The following PLAC1 variants were observed in gnomAD, a reference collection of about 807,000 sequenced individuals.
PLAC1 encodes placenta-specific protein 1.
For synonymous variants in PLAC1, 68 were observed against 62.1 expected (o/e 1.09, Z -0.44); for missense variants, 136 against 163.2 (o/e 0.83, Z 0.91).
At chrX:134,667,692 A>G (rs1482515957) in intron 2 of PLAC1, among the ~76,000 whole-genome samples, 1 of 111,402 alleles carries the variant, frequency 9.0e-6, no homozygotes, top group Non-Finnish European at 1.9e-5. Context: ...AGGTCAAGGC[A>G]GTAAGATTAC....
At chrX:134,603,876 T>G (rs1046335510) in intron 1 of PLAC1, among the ~76,000 whole-genome samples, 5 of 112,184 alleles carry the variant, frequency 4.5e-5, no homozygotes, top group Non-Finnish European at 9.4e-5. Context: ...ATTACTTACA[T>G]ATCCACAATT....
intron 2 of PLAC1, among the ~76,000 whole-genome samples, chrX:134,679,884 G>A (rs750765251): frequency 5.0e-4 from 56 of 111,778 alleles, no homozygotes; most frequent in Non-Finnish European, 9.0e-4. Flanking sequence ...TGGTGTTGGC[G>A]GGTGAAGGTG....
chrX:134,566,685 C>A lies in PLAC1; in HGVS notation c.-3G>T. On this transcript the variant is annotated 5_prime_UTR_variant, in exon 3 of 3. It adds an upstream start codon to the 5' untranslated region. Coordinates refer to ENST00000359237, the MANE Select transcript of PLAC1 (RefSeq NM_021796.4). ...CCTATGAACTTAAAAACTTTCATCC[C>A]TGCAGCCAATCAGATAATGAACCAC... The A allele has an allele frequency of 8.5e-7, 1 of 1,178,448 alleles. No individual in the cohort carries two copies. The highest frequency in any genetic ancestry group is 1.1e-6 in the Non-Finnish European group (1 of 874,589).
intron 1 of PLAC1, chrX:134,607,556 G>T: frequency 5.7e-6 from 1 of 176,530 alleles, no homozygotes; most frequent in African/African-American, 3.1e-5. Flanking sequence ...GCTCCACCCA[G>T]AGAAGCACAC....
At chrX:134,579,167 A>AT (rs1295819581) in intron 2 of PLAC1, among the ~76,000 whole-genome samples, 3 of 109,996 alleles carry the variant, frequency 2.7e-5, no homozygotes, top group Non-Finnish European at 5.7e-5. Flanking sequence ...ACCCCAATAG[A>AT]ATGCACTCCC....
chrX:134,608,295 T>C (rs1182104839), intron 1 of PLAC1, among the ~76,000 whole-genome samples: 1 of 112,145 alleles, frequency 8.9e-6, no homozygotes, highest in Non-Finnish European at 1.9e-5. Context: ...CATCAGCTGA[T>C]GAACGGACAA....
intron 1 of PLAC1, among the ~76,000 whole-genome samples, chrX:134,645,435 CCCAACCTCAGAGGTCATGCT>C (rs2078328256): frequency 8.9e-6 from 1 of 111,986 alleles, no homozygotes; most frequent in Admixed American, 9.5e-5. Flanking sequence ...ATGTTTACTG[CCCAACCTCAGAGGTCATGCT>C]CCTAACCACC....
At chrX:134,625,039 G>C (rs1172936768) in intron 1 of PLAC1, among the ~76,000 whole-genome samples, 1 of 111,551 alleles carries the variant, frequency 9.0e-6, no homozygotes, top group Non-Finnish European at 1.9e-5. Flanking sequence ...TCGTATTTTG[G>C]GGCATGATCT....
intron 2 of PLAC1, among the ~76,000 whole-genome samples, chrX:134,728,944 G>A (rs753277110): frequency 2.0e-4 from 22 of 111,150 alleles, no homozygotes; most frequent in African/African-American, 6.9e-4. Flanking sequence ...AGGAGGCAGA[G>A]ATGATATGCC....
At chrX:134,740,323 A>T (rs1259099696) in intron 1 of PLAC1, among the ~76,000 whole-genome samples, 1 of 110,020 alleles carries the variant, frequency 9.1e-6, no homozygotes, top group Non-Finnish European at 1.9e-5. Context: ...GTCTCCAAAA[A>T]AAAAAAAAAA....
chrX:134,580,195 C>T (rs2077967413), intron 2 of PLAC1, among the ~76,000 whole-genome samples: 1 of 112,447 alleles, frequency 8.9e-6, no homozygotes, highest in Non-Finnish European at 1.9e-5. Context: ...AGAACAAAGA[C>T]AGAAACTGGG....
chrX:134,620,623 C>T (rs1447358781), intron 1 of PLAC1, among the ~76,000 whole-genome samples: 1 of 112,018 alleles, frequency 8.9e-6, no homozygotes, highest in African/African-American at 3.2e-5. Flanking sequence ...TGCCTCTCCA[C>T]CTCTCCGATA....
intron 1 of PLAC1, among the ~76,000 whole-genome samples, chrX:134,642,663 C>T (rs1372571167): frequency 9.0e-6 from 1 of 110,812 alleles, no homozygotes; most frequent in African/African-American, 3.3e-5. Flanking sequence ...TAGGAGTCAG[C>T]CAAGTGAAAG....
At chrX:134,675,935 C>A (rs1415952668) in intron 2 of PLAC1, among the ~76,000 whole-genome samples, 1 of 111,616 alleles carries the variant, frequency 9.0e-6, no homozygotes, top group Non-Finnish European at 1.9e-5. Context: ...GAGGCAGGAG[C>A]AAGAGGGGAG....
chrX:134,583,029 T>C (rs1211380061), intron 2 of PLAC1, among the ~76,000 whole-genome samples: 1 of 111,875 alleles, frequency 8.9e-6, no homozygotes, highest in Non-Finnish European at 1.9e-5. Flanking sequence ...CGGGTCGTTA[T>C]GATTATTAAA....
At chrX:134,666,588 G>A (rs773360346) in intron 2 of PLAC1, among the ~76,000 whole-genome samples, 4 of 111,577 alleles carry the variant, frequency 3.6e-5, no homozygotes, top group Non-Finnish European at 7.5e-5. Flanking sequence ...ATGACGGCAT[G>A]CTCAGAAAGA....
At position 134,722,783 on chromosome X, in the gene PLAC1, T is replaced by C. The variant is rs762628178; in HGVS notation, n.174+10652A>G. On this transcript the variant is annotated intron_variant and non_coding_transcript_variant, in intron 2 of 2. Coordinates refer to the PLAC1 transcript ENST00000466797. ...ATGGAATTACATGACAGTGCTATTA[T>C]AAAACTTTTAAATTTTCTTCTTCTT... Among the ~76,000 whole-genome samples, 4 of 111,985 alleles carry C rather than the reference T, an allele frequency of 3.6e-5. No individual in the cohort carries two copies. The East Asian group carries it at 8.3e-4, about 23-fold the overall frequency.
chrX:134,650,949 A>G, intron 1 of PLAC1: 1 of 213,142 alleles, frequency 4.7e-6, no homozygotes. Flanking sequence ...GGCTCAGCTC[A>G]GGGAGCTGAA....
chrX:134,666,939 T>C (rs957113840), intron 2 of PLAC1, among the ~76,000 whole-genome samples: 5 of 112,499 alleles, frequency 4.4e-5, no homozygotes, highest in Non-Finnish European at 7.5e-5. Context: ...GGGGAAAGGA[T>C]AGTCTTTTAA....
Sources: gnomAD v4.1 joint callset for allele counts (sites outside exome capture counted in the v4.1 genomes callset) on GRCh38, gnomAD v4.1.1 for gene constraint, MANE v1.5 for transcripts, NCBI Gene and HGNC (gene_info 2026-07-23, HGNC 2026-07-21) for gene names.